CDH12: variants seen among roughly 807,000 people sequenced by gnomAD.
CDH12 encodes the protein cadherin-12.
CDH12 carries 41 observed loss-of-function variants against 74.1 expected under a neutral mutation model. The observed-to-expected ratio is 0.55, with a 90% CI of 0.43 to 0.72. The LOEUF (loss-of-function observed/expected upper bound fraction) is 0.72, where lower values mean the gene tolerates loss of function less well. Among genes scored for constraint, CDH12 ranks in the 30% least tolerant of loss-of-function variants. CDH12 has a pLI of 0.00. For synonymous variants in CDH12, 399 were observed against 355.0 expected (o/e 1.12, Z -1.39); for missense variants, 945 against 977.2 (o/e 0.97, Z 0.44).
chr5:21,983,481 C>T (rs900028757), intron 5 of CDH12, among the ~76,000 whole-genome samples: 15 of 152,098 alleles, frequency 9.9e-5, no homozygotes, highest in South Asian at 4.1e-4. Flanking sequence ...ACACTGTCTC[C>T]GAGTATGTGT....
chr5:22,289,319 A>C (rs1265302108), intron 3 of CDH12, among the ~76,000 whole-genome samples: 3 of 152,214 alleles, frequency 2.0e-5, no homozygotes, highest in African/African-American at 7.2e-5. Flanking sequence ...AATCCTGGAA[A>C]TTCTCATCTA....
intron 6 of CDH12, among the ~76,000 whole-genome samples, chr5:21,931,193 C>A (rs535022016): frequency 2.2e-3 from 327 of 151,950 alleles, no homozygotes; most frequent in Non-Finnish European, 3.5e-3. Flanking sequence ...TATGATACAA[C>A]AACTTACAGG....
At chr5:22,765,470 C>T (rs141051902) in intron 1 of CDH12, among the ~76,000 whole-genome samples, 14 of 151,924 alleles carry the variant, frequency 9.2e-5, no homozygotes, top group Middle Eastern at 3.4e-3. Flanking sequence ...CTGTACAATC[C>T]ACAGATTTAT....
intron 1 of CDH12, chr5:22,580,634 T>G (rs1740041976): frequency 2.1e-6 from 1 of 473,316 alleles, no homozygotes; most frequent in Non-Finnish European, 4.3e-6. Flanking sequence ...TACTCCCTAC[T>G]GACCACAAAA....
At chr5:22,641,395 G>T (rs1004642049) in intron 1 of CDH12, among the ~76,000 whole-genome samples, 1 of 152,068 alleles carries the variant, frequency 6.6e-6, no homozygotes, top group Non-Finnish European at 1.5e-5. Flanking sequence ...CATTTTCTCT[G>T]CCTTTTTTGT....
intron 3 of CDH12, among the ~76,000 whole-genome samples, chr5:22,239,569 G>A (rs1752676802): frequency 6.6e-6 from 1 of 152,194 alleles, no homozygotes; most frequent in South Asian, 2.1e-4. Context: ...ATAGTGAGAT[G>A]TAACACTAAA....
At chr5:22,620,640 G>T (rs1389229960) in intron 1 of CDH12, among the ~76,000 whole-genome samples, 1 of 151,954 alleles carries the variant, frequency 6.6e-6, no homozygotes, top group Admixed American at 6.6e-5. Context: ...TTCTGTATAT[G>T]CCCAGTAGAT....
chr5:22,292,578 T>C (rs1737441383), intron 3 of CDH12, among the ~76,000 whole-genome samples: 1 of 151,642 alleles, frequency 6.6e-6, no homozygotes, highest in South Asian at 2.1e-4. Context: ...CAAAACAAAT[T>C]GCCCCAATTC....
At chr5:22,819,003 G>A (rs1334988652) in intron 1 of CDH12, among the ~76,000 whole-genome samples, 1 of 151,920 alleles carries the variant, frequency 6.6e-6, no homozygotes, top group East Asian at 1.9e-4. Flanking sequence ...TTTGTAGTAT[G>A]GTAGTTCAGG....
chr5:22,841,764 C>CATAACATAACA (rs1276893964), intron 1 of CDH12, among the ~76,000 whole-genome samples: 1 of 152,146 alleles, frequency 6.6e-6, no homozygotes, highest in African/African-American at 2.4e-5. Flanking sequence ...GAAGAATTAA[C>CATAACATAACA]TGAGTCAAAT....
chr5:22,522,280 T>C (rs149032877), intron 1 of CDH12, among the ~76,000 whole-genome samples: 96 of 152,274 alleles, frequency 6.3e-4, no homozygotes, highest in African/African-American at 2.2e-3. Context: ...CAAAAGCTCA[T>C]CATGAACATA....
chr5:22,341,379 A>C (rs1238175615), intron 3 of CDH12, among the ~76,000 whole-genome samples: 3 of 152,192 alleles, frequency 2.0e-5, no homozygotes, highest in Non-Finnish European at 4.4e-5. Context: ...TGACTTGAGC[A>C]GTTACAGAAA....
chr5:22,030,190 AC>A (rs1335207936), intron 5 of CDH12, among the ~76,000 whole-genome samples: 5 of 152,070 alleles, frequency 3.3e-5, no homozygotes, highest in Admixed American at 3.3e-4. Context: ...GGTGCAACAC[AC>A]CAGCATGGCA....
chr5:21,860,451 T>C (rs1750985847), intron 6 of CDH12, among the ~76,000 whole-genome samples: 1 of 149,638 alleles, frequency 6.7e-6, no homozygotes, highest in South Asian at 2.1e-4. Flanking sequence ...CTTGTGATGG[T>C]TAATATAGAG....
intron 1 of CDH12, among the ~76,000 whole-genome samples, chr5:22,674,101 C>G (rs13181432): frequency 1.3e-5 from 2 of 152,166 alleles, no homozygotes; most frequent in Non-Finnish European, 2.9e-5. Flanking sequence ...AGGCCCTTAT[C>G]TGTAGACTAG....
intron 3 of CDH12, among the ~76,000 whole-genome samples, chr5:22,256,680 C>A (rs1753329410): frequency 2.0e-5 from 3 of 152,098 alleles, no homozygotes; most frequent in African/African-American, 4.8e-5. Context: ...TCCAGTGGGA[C>A]AAGATTTGGT....
intron 3 of CDH12, among the ~76,000 whole-genome samples, chr5:22,295,198 T>C (rs1737569016): frequency 6.6e-6 from 1 of 152,230 alleles, no homozygotes; most frequent in African/African-American, 2.4e-5. Flanking sequence ...GTTTACTTCA[T>C]CTGGTGCAAC....
rs202181284 is a variant in CDH12 at position 22,193,026 on chromosome 5, GA to G, written c.-187+19471del. Reference sequence around the variant, plus strand: ...ATTTGTGATACTGGAATGGAGTGTGGAAAAAAAAATCATAGTTTAGTAAGAC... The same window carrying G: ...ATTTGTGATACTGGAATGGAGTGTGGAAAAAAAATCATAGTTTAGTAAGAC... On this transcript the variant is annotated intron_variant, in intron 4 of 14. Transcript: ENST00000382254. Among the ~76,000 whole-genome samples, 933 of 151,104 alleles carry G rather than the reference GA, an allele frequency of 6.2e-3. 6 individuals are homozygous for G. The highest frequency in any genetic ancestry group is 0.021 in the African/African-American group (861 of 41,218).
At chr5:21,882,963 A>G in intron 6 of CDH12, 1 of 1,599,908 alleles carries the variant, frequency 6.3e-7, no homozygotes, top group Admixed American at 1.7e-5. Flanking sequence ...CTCTATAGCC[A>G]AGGAAGGCTT....
Sources: allele counts gnomAD v4.1 joint callset (sites outside exome capture counted in the v4.1 genomes callset), GRCh38; gene constraint gnomAD v4.1.1; transcripts MANE v1.5; gene names NCBI Gene and HGNC (gene_info 2026-07-23, HGNC 2026-07-21).